The following KDM4A variants were observed in gnomAD, a reference collection of about 807,000 sequenced individuals.
KDM4A encodes lysine demethylase 4A, also known as lysine-specific demethylase 4A.
Under a neutral mutation model 127.1 loss-of-function variants are expected in KDM4A, and 23 were observed. That is an observed-to-expected ratio of 0.18 (90% CI 0.13 to 0.26). The LOEUF is 0.26. Among genes scored for constraint, KDM4A ranks in the 10% least tolerant of loss-of-function variants. The pLI is 1.00. For missense variants in KDM4A, 890 were observed against 1,329.1 expected (o/e 0.67, Z 5.14); for synonymous variants, 443 against 466.5 (o/e 0.95, Z 0.65).
chr1:43,691,617 G>A, intron 15 of KDM4A, 45 bp downstream of exon 15: 3 of 1,520,418 alleles, frequency 2.0e-6, no homozygotes, highest in Non-Finnish European at 2.7e-6. Flanking sequence ...GAGTCTTGGT[G>A]CATATTCAGG....
intron 2 of KDM4A, chr1:43,653,815 T>G (rs1479398266): frequency 6.6e-6 from 1 of 152,296 alleles, no homozygotes; most frequent in African/African-American, 2.4e-5. Flanking sequence ...TTGGATTCGT[T>G]ATTTTTCCTG....
chr1:43,653,701 T>C (rs1660170673), intron 2 of KDM4A: 1 of 156,094 alleles, frequency 6.4e-6, no homozygotes. Context: ...GCTTCCCATG[T>C]GGACTTTCTT....
chr1:43,654,885 CTT>C (rs1310381826), intron 2 of KDM4A, among the ~76,000 whole-genome samples: 2 of 151,042 alleles, frequency 1.3e-5, no homozygotes, highest in Non-Finnish European at 2.9e-5. Flanking sequence ...GAGTTTCGCT[CTT>C]GTTACCCCAG....
chr1:43,691,718 A>ATT, intron 15 of KDM4A, 146 bp downstream of exon 15: 1 of 711,102 alleles, frequency 1.4e-6, no homozygotes, highest in South Asian at 1.7e-5. Flanking sequence ...TTGTGAGAGT[A>ATT]AATCCTATGA....
Position 43,697,866 on chromosome 1 carries a change from C to T in KDM4A, c.2694C>T (p.Ser898=), listed in dbSNP as rs757561378. The change falls in exon 19 of 22, where the codon AGC becomes AGT. Residue 898 remains serine, a synonymous_variant. Transcript: ENST00000372396. ...NLERAKGALQ[S]ITAGQKVISK... The stretch of plus-strand genomic sequence containing the variant: ...AGCGTGCCAAGGGGGCCTTGCAAAG[C>T]ATCACTGCAGGCCAGAAAGTCATTA... 1 of 1,613,562 alleles carries T rather than the reference C, an allele frequency of 6.2e-7. No individual in the cohort carries two copies. Among genetic ancestry groups the T allele is most frequent in the Non-Finnish European group, 8.5e-7 (1 of 1,179,862 alleles).
At chr1:43,675,884 C>T (rs1388013880) in intron 11 of KDM4A, among the ~76,000 whole-genome samples, 1 of 151,186 alleles carries the variant, frequency 6.6e-6, no homozygotes, top group African/African-American at 2.4e-5. Flanking sequence ...ACCAGCTTGT[C>T]CAACATGGCG....
intron 11 of KDM4A, among the ~76,000 whole-genome samples, chr1:43,672,873 G>C (rs921115109): frequency 6.6e-6 from 1 of 152,182 alleles, no homozygotes; most frequent in African/African-American, 2.4e-5. Flanking sequence ...GCTGCTGTTG[G>C]AGCCCACGTG....
Position 43,660,490 on chromosome 1 carries a change from G to T in KDM4A, c.429+78G>T, listed in dbSNP as rs186656066. 2,335 of 1,515,014 alleles carry T rather than the reference G, an allele frequency of 1.5e-3. 10 individuals carry two copies. The highest frequency in any genetic ancestry group is 1.4e-3 in the Non-Finnish European group (1,565 of 1,127,680). 93.8% of individuals were successfully genotyped at this position (1,515,014 alleles called of 1,614,324 possible). A position where few individuals can be genotyped will look rare whatever the true frequency, so the allele number is the denominator to read the frequency against. On this transcript the variant is annotated intron_variant, in intron 4 of 21. Transcript: ENST00000372396. ...TTTTTTTCGGCCCGGCACGTAGTAGGCACCTAAAAGCTGTTTGGTGAATGG... is the reference window on the plus strand; with the variant it reads ...TTTTTTTCGGCCCGGCACGTAGTAGTCACCTAAAAGCTGTTTGGTGAATGG...
At chr1:43,703,909 A>G (rs1290159408) in intron 20 of KDM4A, 111 bp from the exon 21 acceptor site, 34 of 1,299,814 alleles carry the variant, frequency 2.6e-5, no homozygotes, top group Non-Finnish European at 3.4e-5. Flanking sequence ...GGTAGTTGTT[A>G]TTTTAGTGTT....
chr1:43,665,618 GT>G (rs1044083858), intron 5 of KDM4A, 77 bp from the exon 6 acceptor site: 1 of 1,371,288 alleles, frequency 7.3e-7, no homozygotes, highest in Non-Finnish European at 1.0e-6. Flanking sequence ...ATTTCAAGGT[GT>G]TTTGAGAGTG....
At chr1:43,669,671 T>C (rs937728645) in intron 10 of KDM4A, among the ~76,000 whole-genome samples, 1 of 147,788 alleles carries the variant, frequency 6.8e-6, no homozygotes, top group African/African-American at 2.6e-5. Flanking sequence ...TTTTTTGAAA[T>C]GGAGTCTTGC....
At position 43,701,936 on chromosome 1, in the gene KDM4A, CATTA is replaced by C. The variant is rs1374656544; in HGVS notation, c.2842-1678_2842-1675del. Among the ~76,000 whole-genome samples, 5 of 152,208 alleles carry C rather than the reference CATTA, an allele frequency of 3.3e-5. No homozygotes were observed. The South Asian group carries it at 6.2e-4, about 19-fold the overall frequency. On this transcript the variant is annotated intron_variant, in intron 19 of 21. Transcript: ENST00000372396. ...GTACTCAATGATTAAGATTTAACAA[CATTA>C]ATAATTTTTTACTGCTTCATCAAGG...
intron 11 of KDM4A, among the ~76,000 whole-genome samples, chr1:43,676,825 TTTGTC>T (rs1228036994): frequency 8.5e-5 from 13 of 152,314 alleles, no homozygotes. Context: ...ACCTTAAATA[TTTGTC>T]TTGTCTTTAT....
At chr1:43,682,957 A>G (rs1173840194) in intron 11 of KDM4A, among the ~76,000 whole-genome samples, 1 of 152,150 alleles carries the variant, frequency 6.6e-6, no homozygotes, top group Non-Finnish European at 1.5e-5. Flanking sequence ...TTAGAAAGAA[A>G]CCCTTCTGTA....
intron 9 of KDM4A, among the ~76,000 whole-genome samples, chr1:43,668,301 A>G (rs1025208247): frequency 2.0e-5 from 3 of 151,750 alleles, no homozygotes; most frequent in Admixed American, 6.6e-5. Flanking sequence ...AATTTTTTGT[A>G]TTTTTAGTAG....
chr1:43,696,924 TTG>T (rs1661254615), intron 18 of KDM4A, among the ~76,000 whole-genome samples: 1 of 152,216 alleles, frequency 6.6e-6, no homozygotes. Flanking sequence ...AAAAAAGTCC[TTG>T]CCCTTCTGGT....
In KDM4A at chr1:43,694,901, G is replaced by T; in HGVS notation, c.2670+7G>T. 6.3e-7 allele frequency: 1 copy of T among 1,589,404 alleles called. No homozygotes were observed. On this transcript the variant is annotated splice_region_variant and intron_variant, in intron 18 of 21. Transcript: ENST00000372396. The surrounding 1 kb of genome is among the most constrained non-coding windows in gnomAD (Gnocchi z 5.2). Reference sequence around the variant, plus strand: ...CAAGATTCCTAATTTGGAGGTGAGAGAGGGTGTCATTCTAGAATCCTCTTG... The same window carrying T: ...CAAGATTCCTAATTTGGAGGTGAGATAGGGTGTCATTCTAGAATCCTCTTG...
Position 43,667,224 on chromosome 1 carries a change from AG to A in KDM4A, c.915+134del. ...AAACAAGCAGCTAGCAATGTGTCAG[AG>A]TACTAACATTTTGTGTTCATAAGGA... On this transcript the variant is annotated intron_variant, in intron 8 of 21. Coordinates refer to ENST00000372396, the MANE Select transcript of KDM4A (RefSeq NM_014663.3). 3 of 958,068 alleles carry A rather than the reference AG, an allele frequency of 3.1e-6. No individual in the cohort carries two copies. In the South Asian group the frequency reaches 4.8e-5, roughly 15 times the overall value. The allele number at this position is 958,068 out of a possible 1,614,324, so 59.3% of individuals were successfully genotyped here. A position where few individuals can be genotyped will look rare whatever the true frequency, so the allele number is the denominator to read the frequency against.
In KDM4A at chr1:43,693,997, G is replaced by T; in HGVS notation, c.2379G>T (p.Trp793Cys). The change falls in exon 17 of 22, where the codon TGG becomes TGT. Residue 793 changes from tryptophan (W) to cysteine (C), a missense_variant. Physicochemically the swap from Trp to Cys is radical, Grantham distance 215. Around this residue, in one of 7 missense-constraint regions of KDM4A, gnomAD observed 246 missense variants for 418.4 expected, o/e 0.59. Coordinates refer to ENST00000372396, the MANE Select transcript of KDM4A (RefSeq NM_014663.3). The surrounding 1 kb of genome is among the most constrained non-coding windows in gnomAD (Gnocchi z 4.2). ...GALQRANDDRWVHVSCAVAIL... is the reference protein window; with the variant it reads ...GALQRANDDRCVHVSCAVAIL... ...GGGAGCCTTTGCCTTTTGGCAGGTGGGTCCACGTTTCATGTGCTGTGGCAA... is the reference window on the plus strand; with the variant it reads ...GGGAGCCTTTGCCTTTTGGCAGGTGTGTCCACGTTTCATGTGCTGTGGCAA... The T allele has an allele frequency of 6.2e-7, 1 of 1,614,128 alleles. No individual in the cohort carries two copies. The highest frequency in any genetic ancestry group is 8.5e-7 in the Non-Finnish European group (1 of 1,179,984).
Sources: gnomAD v4.1 joint callset for allele counts (sites outside exome capture counted in the v4.1 genomes callset) on GRCh38, gnomAD v4.1.1 for gene constraint, gnomAD v4.1.1 regional missense constraint, Gnocchi (gnomAD v3.1) non-coding constraint, MANE v1.5 for transcripts, NCBI Gene and HGNC (gene_info 2026-07-23, HGNC 2026-07-21) for gene names.